The following ARID2 variants were observed in gnomAD, a reference collection of about 807,000 sequenced individuals.
ARID2 encodes the protein AT-rich interactive domain-containing protein 2.
In ARID2, 32 loss-of-function variants were observed where a neutral mutation model predicts 184.6. The observed-to-expected ratio is 0.17, with a 90% CI of 0.13 to 0.23. The LOEUF (loss-of-function observed/expected upper bound fraction) is 0.23, where lower values mean the gene tolerates loss of function less well. Among genes scored for constraint, ARID2 ranks in the 10% least tolerant of loss-of-function variants. The probability of loss-of-function intolerance (pLI) is 1.00; values close to 1 mark genes in which losing one functional copy is unlikely to be tolerated. For missense variants in ARID2, 1,696 were observed against 2,197.6 expected, an observed-to-expected ratio of 0.77 and a Z score of 4.56; for synonymous variants, 836 against 772.6, an observed-to-expected ratio of 1.08 and a Z score of -1.36.
intron 3 of ARID2, among the ~76,000 whole-genome samples, chr12:45,739,217 G>A (rs1941197198): frequency 6.6e-6 from 1 of 152,058 alleles, no homozygotes; most frequent in Admixed American, 6.5e-5. Flanking sequence ...GACCTCAGGT[G>A]ATTCACCTGC....
intron 3 of ARID2, among the ~76,000 whole-genome samples, chr12:45,753,962 A>C (rs898502115): frequency 5.9e-5 from 9 of 152,234 alleles, no homozygotes; most frequent in Admixed American, 5.2e-4. Context: ...ATGATGAAGT[A>C]CTAAGATTTG....
intron 16 of ARID2, among the ~76,000 whole-genome samples, chr12:45,887,197 A>G (rs1944206001): frequency 6.6e-6 from 1 of 152,220 alleles, no homozygotes; most frequent in African/African-American, 2.4e-5. Flanking sequence ...AATGATTTAA[A>G]TAATAAGCAG....
intron 5 of ARID2, among the ~76,000 whole-genome samples, chr12:45,820,021 G>A (rs1942870831): frequency 6.6e-6 from 1 of 152,060 alleles, no homozygotes; most frequent in Admixed American, 6.6e-5. Flanking sequence ...TGGGATTACA[G>A]GTGTGAGCCA....
chr12:45,894,603 C>A (rs1057039000), intron 20 of ARID2, among the ~76,000 whole-genome samples: 15 of 151,996 alleles, frequency 9.9e-5, no homozygotes, highest in Non-Finnish European at 1.9e-4. Flanking sequence ...TTTAAGATTT[C>A]TCTAAGTGGA....
intron 20 of ARID2, among the ~76,000 whole-genome samples, chr12:45,898,913 C>CAAAT (rs777988424): frequency 1.3e-5 from 2 of 151,820 alleles, no homozygotes; most frequent in Non-Finnish European, 2.9e-5. Context: ...GATTGCATCT[C>CAAAT]AAATAAATAA....
At chr12:45,735,987 T>A (rs1453717174) in intron 3 of ARID2, among the ~76,000 whole-genome samples, 1 of 152,244 alleles carries the variant, frequency 6.6e-6, no homozygotes, top group Non-Finnish European at 1.5e-5. Context: ...CACTCTTTCA[T>A]AATCCTATCT....
intron 16 of ARID2, among the ~76,000 whole-genome samples, chr12:45,890,244 T>C (rs1040871399): frequency 6.6e-6 from 1 of 152,262 alleles, no homozygotes; most frequent in Non-Finnish European, 1.5e-5. Flanking sequence ...TAATTAAAAT[T>C]GATTTAAGGA....
chr12:45,890,888 C>T, intron 16 of ARID2, among the ~76,000 whole-genome samples: 1 of 151,942 alleles, frequency 6.6e-6, no homozygotes, highest in East Asian at 1.9e-4. Flanking sequence ...TGATTATGGC[C>T]AGGTGCTGTG....
intron 3 of ARID2, among the ~76,000 whole-genome samples, chr12:45,793,440 C>T (rs1339681590): frequency 6.6e-6 from 1 of 151,522 alleles, no homozygotes; most frequent in Admixed American, 6.6e-5. Flanking sequence ...CACCCTTGAC[C>T]TATCACTGTC....
At chr12:45,735,418 CGTGTGTGTGTGTGTGTGTGTGTGT>C (rs56133410) in intron 3 of ARID2, among the ~76,000 whole-genome samples, 4,237 of 141,402 alleles carry the variant, frequency 0.03, 107 homozygotes, top group Non-Finnish European at 0.044. Flanking sequence ...TAAACTGTAT[CGTGTGTGTGTGTGTGTGTGTGTGT>C]GTGTGTGTGT....
chr12:45,849,820 A>G, intron 14 of ARID2, 44 bp downstream of exon 14: 1 of 1,540,774 alleles, frequency 6.5e-7, no homozygotes, highest in South Asian at 1.2e-5. Context: ...TGATTTAATA[A>G]TAAAACTGAA....
rs2137962780 is a variant in ARID2 at position 45,731,259 on chromosome 12, A to G, written c.229A>G (p.Asn77Asp). Residue 77 changes from asparagine (N) to aspartate (D), a missense_variant, in exon 3 of 21, where the codon AAC becomes GAC. Transcript: ENST00000334344. Reference protein sequence around the residue: ...NQWGEIVEEFNFPRSCSNAAF... With the variant: ...NQWGEIVEEFDFPRSCSNAAF... ...GTGGGGAGAAATTGTTGAAGAGTTC[A>G]ACTTTCCCAGAAGTTGTTCTAACGC... The G allele has an allele frequency of 6.2e-7, 1 of 1,614,116 alleles. No homozygotes were observed. Among genetic ancestry groups the G allele is most frequent in the East Asian group, 2.2e-5 (1 of 44,866 alleles).
chr12:45,767,625 T>A (rs747392303), intron 3 of ARID2, among the ~76,000 whole-genome samples: 2 of 152,130 alleles, frequency 1.3e-5, no homozygotes, highest in Admixed American at 6.6e-5. Flanking sequence ...GCCTAGGAGT[T>A]GGAGATTAGC....
At chr12:45,782,638 A>T (rs984183383) in intron 3 of ARID2, among the ~76,000 whole-genome samples, 20 of 151,994 alleles carry the variant, frequency 1.3e-4, no homozygotes, top group African/African-American at 4.4e-4. Context: ...TCTCAAAAAA[A>T]TTTTTTTGAA....
intron 4 of ARID2, 25 bp from the exon 5 acceptor site, chr12:45,817,645 T>G (rs536183994): frequency 1.3e-6 from 2 of 1,575,738 alleles, no homozygotes; most frequent in Middle Eastern, 2.3e-4. Flanking sequence ...TTTGATATAC[T>G]TAAGGTATTT....
Position 45,905,950 on chromosome 12 carries a change from T to C in ARID2, c.*872T>C. The C allele has an allele frequency of 8.7e-6, 2 of 229,496 alleles. No homozygotes were observed. Among genetic ancestry groups the C allele is most frequent in the African/African-American group, 2.3e-5 (1 of 43,636 alleles). The allele number at this position is 229,496 out of a possible 1,614,324, so 14.2% of individuals were successfully genotyped here. A position where few individuals can be genotyped will look rare whatever the true frequency, so the allele number is the denominator to read the frequency against. ...TTTTTTTTCTTTTTTCTTTTTTTTT[T>C]TCTTTTTTTTTTTGTATTATACACC... On this transcript the variant is annotated 3_prime_UTR_variant, in exon 21 of 21. Coordinates refer to ENST00000334344, the MANE Select transcript of ARID2 (RefSeq NM_152641.4).
At chr12:45,877,380 T>C (rs1944026853) in intron 16 of ARID2, among the ~76,000 whole-genome samples, 1 of 151,862 alleles carries the variant, frequency 6.6e-6, no homozygotes, top group South Asian at 2.1e-4. Flanking sequence ...GGGATCTAGG[T>C]TGCATGCTCC....
At chr12:45,749,096 C>T (rs1247584344) in intron 3 of ARID2, among the ~76,000 whole-genome samples, 1 of 152,194 alleles carries the variant, frequency 6.6e-6, no homozygotes, top group South Asian at 2.1e-4. Flanking sequence ...CTACTTTGCT[C>T]ACTTCCATCC....
chr12:45,800,333 A>C (rs972739443), intron 3 of ARID2, among the ~76,000 whole-genome samples: 5 of 152,228 alleles, frequency 3.3e-5, no homozygotes, highest in Non-Finnish European at 5.9e-5. Context: ...TGTAAAATTC[A>C]TATTAAATTC....
Sources: allele counts gnomAD v4.1 joint callset (sites outside exome capture counted in the v4.1 genomes callset), GRCh38; gene constraint gnomAD v4.1.1; transcripts MANE v1.5; gene names NCBI Gene and HGNC (gene_info 2026-07-23, HGNC 2026-07-21).